Variants in EPHA6 observed in about 807,000 individuals in gnomAD.
EPHA6 encodes ephrin type-A receptor 6.
Under a neutral mutation model 112.0 loss-of-function variants are expected in EPHA6, and 50 were observed. The ratio of observed to expected loss-of-function variants is 0.45; its 90% CI spans 0.36 to 0.56. EPHA6 has a LOEUF of 0.56. Ranked by LOEUF, EPHA6 falls within the 20% of genes least tolerant of loss-of-function variation. The pLI, the probability that EPHA6 is intolerant of heterozygous loss-of-function variation, is 0.00. For synonymous variants in EPHA6, 529 were observed against 490.7 expected (o/e 1.08, Z -1.03); for missense variants, 1,280 against 1,417.4 (o/e 0.90, Z 1.56).
intron 3 of EPHA6, among the ~76,000 whole-genome samples, chr3:97,202,430 C>A (rs1437817015): frequency 2.6e-5 from 4 of 151,636 alleles, no homozygotes; most frequent in African/African-American, 9.7e-5. Context: ...CTCACTGCAA[C>A]CCCTACTTCC....
At chr3:96,950,868 T>G (rs536674353) in intron 2 of EPHA6, among the ~76,000 whole-genome samples, 2 of 152,106 alleles carry the variant, frequency 1.3e-5, no homozygotes, top group East Asian at 3.8e-4. Flanking sequence ...CATTTAAATG[T>G]TTTTTATTGG....
Position 97,758,329 on chromosome 3 carries a change from T to A in EPHA6, c.*9628T>A, listed in dbSNP as rs1347459125. 2.6e-5 allele frequency among the ~76,000 whole-genome samples: 4 copies of A among 152,028 alleles called. No individual in the cohort carries two copies. Among genetic ancestry groups the A allele is most frequent in the Admixed American group, 2.6e-4 (4 of 15,264 alleles). On this transcript the variant is annotated 3_prime_UTR_variant, in exon 18 of 18. Transcript: ENST00000389672. ...AAAATATCAGTCAAAGCTTAGTGTT[T>A]ACCTCTTTAAACTATATAACAAATA...
At chr3:97,360,052 C>T (rs2084294116) in intron 5 of EPHA6, among the ~76,000 whole-genome samples, 2 of 152,148 alleles carry the variant, frequency 1.3e-5, no homozygotes, top group South Asian at 2.1e-4. Flanking sequence ...TTATCTGTAC[C>T]TCTGTGATCA....
At chr3:97,677,419 G>A (rs955317742) in intron 14 of EPHA6, among the ~76,000 whole-genome samples, 5 of 152,092 alleles carry the variant, frequency 3.3e-5, no homozygotes, top group Non-Finnish European at 7.4e-5. Flanking sequence ...ACTAGAATAA[G>A]AGATAAAGAC....
chr3:97,340,810 G>C (rs566062215), intron 5 of EPHA6, among the ~76,000 whole-genome samples: 2 of 152,240 alleles, frequency 1.3e-5, no homozygotes, highest in East Asian at 3.9e-4. Context: ...TTCCTATAAG[G>C]ACATCAGTTC....
chr3:97,030,486 C>T (rs1280949010), intron 3 of EPHA6, among the ~76,000 whole-genome samples: 1 of 152,094 alleles, frequency 6.6e-6, no homozygotes, highest in Non-Finnish European at 1.5e-5. Context: ...TCCCCTACTT[C>T]TGTAACCCCT....
chr3:97,530,015 T>A (rs2092677743), intron 10 of EPHA6, among the ~76,000 whole-genome samples: 1 of 152,100 alleles, frequency 6.6e-6, no homozygotes, highest in Non-Finnish European at 1.5e-5. Flanking sequence ...GATTATGGGC[T>A]CCTGGTGGGT....
intron 5 of EPHA6, 72 bp downstream of exon 5, chr3:97,244,359 T>G: frequency 7.7e-7 from 1 of 1,300,446 alleles, no homozygotes; most frequent in East Asian, 2.3e-5. Flanking sequence ...CTCATGGGCA[T>G]GTATTTATTG....
At chr3:96,983,674 TCACTTTCAGGTA>T (rs1422986902) in intron 2 of EPHA6, among the ~76,000 whole-genome samples, 1 of 152,246 alleles carries the variant, frequency 6.6e-6, no homozygotes, top group Non-Finnish European at 1.5e-5. Context: ...ATTCTCCCCA[TCACTTTCAGGTA>T]CACCAATCAG....
chr3:96,944,644 A>T (rs1027476577), intron 2 of EPHA6, among the ~76,000 whole-genome samples: 1 of 152,168 alleles, frequency 6.6e-6, no homozygotes, highest in African/African-American at 2.4e-5. Flanking sequence ...GGATCAAGAG[A>T]TATGCAGTTT....
At chr3:97,619,442 G>A (rs896429538) in intron 13 of EPHA6, among the ~76,000 whole-genome samples, 1 of 147,560 alleles carries the variant, frequency 6.8e-6, no homozygotes, top group Non-Finnish European at 1.5e-5. Flanking sequence ...AAGGGGGGGG[G>A]GGGCATCCAA....
intron 5 of EPHA6, among the ~76,000 whole-genome samples, chr3:97,308,059 A>G (rs2081394279): frequency 6.6e-6 from 1 of 151,466 alleles, no homozygotes; most frequent in Admixed American, 6.6e-5. Flanking sequence ...CCTGGGATCT[A>G]TCTTTAACTC....
intron 3 of EPHA6, among the ~76,000 whole-genome samples, chr3:96,992,640 T>C (rs1257680337): frequency 1.3e-5 from 2 of 152,194 alleles, no homozygotes; most frequent in African/African-American, 4.8e-5. Flanking sequence ...ATATTGATTC[T>C]AAGGGGTTAC....
intron 3 of EPHA6, among the ~76,000 whole-genome samples, chr3:97,071,576 A>G (rs999286246): frequency 6.6e-6 from 1 of 152,044 alleles, no homozygotes; most frequent in Non-Finnish European, 1.5e-5. Flanking sequence ...ATCTTATGAG[A>G]CTTATTCACT....
chr3:96,836,403 C>T (rs995037157), intron 1 of EPHA6, among the ~76,000 whole-genome samples: 1 of 152,074 alleles, frequency 6.6e-6, no homozygotes, highest in Non-Finnish European at 1.5e-5. Context: ...TCACAGTTTC[C>T]TCCTTGGTAA....
intron 2 of EPHA6, among the ~76,000 whole-genome samples, chr3:96,973,773 C>T (rs1386765750): frequency 6.9e-6 from 1 of 145,974 alleles, no homozygotes; most frequent in African/African-American, 2.5e-5. Flanking sequence ...TGCAGTGAGC[C>T]GAGATCATGC....
chr3:97,039,129 C>G (rs1041186168), intron 3 of EPHA6, among the ~76,000 whole-genome samples: 1 of 151,770 alleles, frequency 6.6e-6, no homozygotes, highest in African/African-American at 2.4e-5. Context: ...ACAACATAGA[C>G]AAAATATGGC....
chr3:97,416,007 T>C (rs1337726398), intron 6 of EPHA6, among the ~76,000 whole-genome samples: 1 of 152,106 alleles, frequency 6.6e-6, no homozygotes, highest in Non-Finnish European at 1.5e-5. Flanking sequence ...TTTCGCCTAA[T>C]TGTCAGAATT....
chr3:96,994,168 A>T (rs1029925631), intron 3 of EPHA6: 6 of 348,532 alleles, frequency 1.7e-5, no homozygotes, highest in Non-Finnish European at 2.4e-5. Context: ...AATAGATAGA[A>T]AGATTATATT....
Sources: allele counts gnomAD v4.1 joint callset (sites outside exome capture counted in the v4.1 genomes callset), GRCh38; gene constraint gnomAD v4.1.1; transcripts MANE v1.5; gene names NCBI Gene and HGNC (gene_info 2026-07-23, HGNC 2026-07-21).